PINX1: variants seen among roughly 807,000 people sequenced by gnomAD.
PINX1 encodes the protein PIN2 (TERF1) interacting telomerase inhibitor 1.
In PINX1, 34 loss-of-function variants were observed where a neutral mutation model predicts 25.4. The ratio of observed to expected loss-of-function variants is 1.34; its 90% CI spans 1.02 to 1.78. PINX1 has a LOEUF of 1.78. Ranked by LOEUF, PINX1 falls within the 40% of genes most tolerant of loss-of-function variation. The pLI is 0.00. For synonymous variants in PINX1, 197 were observed against 147.7 expected (o/e 1.33, Z -2.42); for missense variants, 592 against 404.9 (o/e 1.46, Z -3.97).
Position 10,775,080 on chromosome 8 carries a change from G to A in PINX1, c.472-9164C>T, listed in dbSNP as rs111647686. 6.7e-3 allele frequency among the ~76,000 whole-genome samples: 1,019 copies of A among 152,250 alleles called. 8 individuals are homozygous for A. Among genetic ancestry groups the A allele is most frequent in the African/African-American group, 0.023 (963 of 41,544 alleles). On this transcript the variant is annotated intron_variant, in intron 6 of 6. Transcript: ENST00000314787. ...AAGAAAAACCCTAACCAGTTACACT[G>A]AGACTGTAATTCCAAGGAGCTCATA...
chr8:10,793,666 A>C (rs1274606291), intron 6 of PINX1, among the ~76,000 whole-genome samples: 2 of 152,184 alleles, frequency 1.3e-5, no homozygotes, highest in African/African-American at 2.4e-5. Flanking sequence ...CATTTGTTTT[A>C]ATTTTAATTA....
At chr8:10,836,786 G>A (rs1022672452) in intron 1 of PINX1, among the ~76,000 whole-genome samples, 78 of 152,180 alleles carry the variant, frequency 5.1e-4, no homozygotes, top group African/African-American at 1.5e-3. Context: ...CTATGCAAAT[G>A]TGCAGATCCT....
chr8:10,789,741 A>T (rs1291670910), intron 6 of PINX1, among the ~76,000 whole-genome samples: 2 of 152,020 alleles, frequency 1.3e-5, no homozygotes, highest in African/African-American at 4.8e-5. Flanking sequence ...GTATCCGATG[A>T]CCCTGCTTTT....
intron 6 of PINX1, among the ~76,000 whole-genome samples, chr8:10,772,138 G>A (rs1312543091): frequency 6.6e-6 from 1 of 152,262 alleles, no homozygotes. Flanking sequence ...GAAGAGAACT[G>A]TTCTTGGTAA....
intron 6 of PINX1, among the ~76,000 whole-genome samples, chr8:10,817,721 C>T (rs567813012): frequency 6.6e-6 from 1 of 152,234 alleles, no homozygotes; most frequent in South Asian, 2.1e-4. Flanking sequence ...AGGCTCTCAG[C>T]CCCCGCCCAG....
intron 6 of PINX1, among the ~76,000 whole-genome samples, chr8:10,791,930 A>G (rs1196817845): frequency 6.6e-6 from 1 of 152,182 alleles, no homozygotes; most frequent in Non-Finnish European, 1.5e-5. Context: ...GACCCCCAGG[A>G]CAACATGCCC....
At chr8:10,824,003 C>A (rs778362780) in intron 5 of PINX1, among the ~76,000 whole-genome samples, 2 of 152,206 alleles carry the variant, frequency 1.3e-5, no homozygotes, top group Admixed American at 1.3e-4. Context: ...CAATATGAAT[C>A]ATCCTCATCA....
intron 6 of PINX1, among the ~76,000 whole-genome samples, chr8:10,795,864 A>G (rs149521677): frequency 8.1e-5 from 12 of 148,046 alleles, no homozygotes; most frequent in African/African-American, 2.9e-4. Flanking sequence ...CTATTCACAA[A>G]TCCCATTTGA....
chr8:10,766,064 G>C, intron 6 of PINX1, 148 bp from the exon 7 acceptor site: 1 of 748,798 alleles, frequency 1.3e-6, no homozygotes, highest in Non-Finnish European at 2.2e-6. Context: ...TAGGAGACAA[G>C]GCTGAGTGAC....
chr8:10,779,009 T>C (rs1024891624), intron 6 of PINX1, among the ~76,000 whole-genome samples: 5 of 152,210 alleles, frequency 3.3e-5, no homozygotes, highest in African/African-American at 1.2e-4. Context: ...AGCTATCACA[T>C]GATTGAAATG....
At chr8:10,798,634 C>A (rs185350510) in intron 6 of PINX1, among the ~76,000 whole-genome samples, 1 of 152,306 alleles carries the variant, frequency 6.6e-6, no homozygotes, top group Admixed American at 6.5e-5. Context: ...TGGCAGTAAG[C>A]CAGGTAAAAC....
intron 6 of PINX1, among the ~76,000 whole-genome samples, chr8:10,810,251 A>C (rs1173050065): frequency 6.6e-6 from 1 of 152,180 alleles, no homozygotes; most frequent in Non-Finnish European, 1.5e-5. Flanking sequence ...CAGACAAGAC[A>C]CTACTGTTTC....
intron 6 of PINX1, among the ~76,000 whole-genome samples, chr8:10,777,702 G>T (rs1033706214): frequency 6.6e-6 from 1 of 152,178 alleles, no homozygotes; most frequent in African/African-American, 2.4e-5. Context: ...TTGCATCTCT[G>T]TTGGAACTGG....
chr8:10,795,927 T>C (rs114843921), intron 6 of PINX1, among the ~76,000 whole-genome samples: 323 of 152,292 alleles, frequency 2.1e-3, no homozygotes, highest in African/African-American at 7.5e-3. Flanking sequence ...GAACAAAGCT[T>C]TGTATGGATG....
chr8:10,832,972 G>C lies in PINX1; in HGVS notation c.142C>G (p.Gln48Glu), dbSNP rs773036468. 5.0e-6 allele frequency: 8 copies of C among 1,607,582 alleles called. No homozygotes were observed. The highest frequency in any genetic ancestry group is 6.0e-6 in the Non-Finnish European group (7 of 1,175,778). ...GWSKGKGLGA[Q>E]EQGATDHIKV... ...ATATGATCTGTGGCTCCTTGCTCCT[G>C]AGCCCCTAAACCCTGTGGAGATTAA... is the stretch of plus-strand genomic sequence containing the variant. The change falls in exon 3 of 7, where the codon CAG becomes GAG. Residue 48 changes from glutamine (Q) to glutamate (E), a missense_variant. By Grantham distance (29) the Gln-to-Glu change is conservative. Transcript: ENST00000314787.
At chr8:10,818,967 G>A (rs914897097) in intron 6 of PINX1, among the ~76,000 whole-genome samples, 7 of 152,206 alleles carry the variant, frequency 4.6e-5, no homozygotes, top group African/African-American at 1.7e-4. Context: ...GGTACAACCA[G>A]AAGCCAGCCT....
chr8:10,794,915 A>G, intron 6 of PINX1, among the ~76,000 whole-genome samples: 1 of 152,192 alleles, frequency 6.6e-6, no homozygotes. Context: ...ATTCAGGGCA[A>G]GCTTCCCATC....
At chr8:10,769,063 T>C (rs1801145880) in intron 6 of PINX1, among the ~76,000 whole-genome samples, 1 of 152,232 alleles carries the variant, frequency 6.6e-6, no homozygotes, top group Admixed American at 6.5e-5. Context: ...TTGCTAACTG[T>C]GTGCCAAAAC....
chr8:10,832,712 G>A (rs528874560), intron 3 of PINX1, among the ~76,000 whole-genome samples, 180 bp downstream of exon 3: 4 of 152,304 alleles, frequency 2.6e-5, no homozygotes, highest in African/African-American at 9.6e-5. Context: ...AAAAAGCGCG[G>A]TAGGCCACTG....
Sources: gnomAD v4.1 joint callset for allele counts (sites outside exome capture counted in the v4.1 genomes callset) on GRCh38, gnomAD v4.1.1 for gene constraint, MANE v1.5 for transcripts, NCBI Gene and HGNC (gene_info 2026-07-23, HGNC 2026-07-21) for gene names.